The following PCDH19 variants were observed in gnomAD, a reference collection of about 807,000 sequenced individuals.
PCDH19 encodes the protein protocadherin-19.
In PCDH19, 6 loss-of-function variants were observed where a neutral mutation model predicts 46.2. The ratio of observed to expected loss-of-function variants is 0.13; its 90% CI spans 0.07 to 0.26. The LOEUF (loss-of-function observed/expected upper bound fraction) is 0.26. Among genes scored for constraint, PCDH19 ranks in the 10% least tolerant of loss-of-function variants. The probability of loss-of-function intolerance (pLI) is 1.00; values close to 1 mark genes in which losing one functional copy is unlikely to be tolerated. For missense variants in PCDH19, 740 were observed against 972.3 expected (o/e 0.76, Z 3.18); for synonymous variants, 481 against 415.7 (o/e 1.16, Z -1.91).
At position 100,408,790 on chromosome X, in the gene PCDH19, T is replaced by C; in HGVS notation, c.-193A>G. The C allele has an allele frequency of 5.9e-6, 1 of 170,596 alleles. No individual in the cohort carries two copies. The highest frequency in any genetic ancestry group is 1.4e-4 in the East Asian group (1 of 7,196). The allele number at this position is 170,596 out of a possible 1,213,427, so 14.1% of individuals were successfully genotyped here. On this transcript the variant is annotated 5_prime_UTR_variant, in exon 1 of 6. Transcript: ENST00000373034. The stretch of plus-strand genomic sequence containing the variant: ...CCCGCGGCGGCTCCAATGCTGAGGT[T>C]GCGGCGGACGCGGCGGGGGCTCGCG...
chrX:100,361,761 T>C (rs1211541209), intron 3 of PCDH19, among the ~76,000 whole-genome samples: 2 of 110,383 alleles, frequency 1.8e-5, no homozygotes, highest in Non-Finnish European at 3.8e-5. Context: ...AATTTGAGAG[T>C]CTTCCTGCCA....
At chrX:100,305,038 G>A (rs1446017397) in intron 5 of PCDH19, among the ~76,000 whole-genome samples, 2 of 112,023 alleles carry the variant, frequency 1.8e-5, no homozygotes, top group Non-Finnish European at 3.8e-5. Flanking sequence ...AGCCTTGCTA[G>A]AGATCTAGAC....
chrX:100,403,345 T>C (rs1928250587), intron 2 of PCDH19, among the ~76,000 whole-genome samples, 179 bp downstream of exon 2: 1 of 105,451 alleles, frequency 9.5e-6, no homozygotes, highest in African/African-American at 3.5e-5. Flanking sequence ...CAGCTTCCTC[T>C]ATGACTCACT....
At chrX:100,401,144 C>T (rs1349490919) in intron 3 of PCDH19, among the ~76,000 whole-genome samples, 2 of 111,786 alleles carry the variant, frequency 1.8e-5, no homozygotes, top group Non-Finnish European at 1.9e-5. Flanking sequence ...GTATTCTTTT[C>T]GCTGGTAGCT....
At chrX:100,321,876 G>A (rs757513486) in intron 5 of PCDH19, among the ~76,000 whole-genome samples, 4 of 90,131 alleles carry the variant, frequency 4.4e-5, no homozygotes, top group African/African-American at 8.5e-5. Flanking sequence ...TGCAAGCTCC[G>A]CCTCCCGGGT....
rs1215856620 is a variant in PCDH19, at chrX:100,410,153, G to C, written c.-1556C>G. ...AGGGACGCGGGTGCCAGTGCCTCCC[G>C]GGCAAGCCAGGCATGGTGCACGGGA... is the stretch of plus-strand genomic sequence containing the variant. On this transcript the variant is annotated 5_prime_UTR_variant, in exon 1 of 6. Coordinates refer to ENST00000373034, the MANE Select transcript of PCDH19 (RefSeq NM_001184880.2). 1 of 295,666 alleles carries C rather than the reference G, an allele frequency of 3.4e-6. No homozygotes were observed. The highest frequency in any genetic ancestry group is 4.8e-5 in the East Asian group (1 of 20,915). 24.4% of individuals were successfully genotyped at this position (295,666 alleles called of 1,213,427 possible).
At chrX:100,306,413 C>T (rs976505447) in intron 5 of PCDH19, among the ~76,000 whole-genome samples, 2 of 110,847 alleles carry the variant, frequency 1.8e-5, no homozygotes, top group African/African-American at 3.3e-5. Context: ...ACAGCAAAAG[C>T]GGTGCTAAGA....
chrX:100,373,994 G>A (rs1927300134), intron 3 of PCDH19, among the ~76,000 whole-genome samples: 1 of 112,253 alleles, frequency 8.9e-6, no homozygotes, highest in Non-Finnish European at 1.9e-5. Flanking sequence ...GTAGGAGAAG[G>A]TCCCATAAAA....
At chrX:100,337,350 C>G (rs996133632) in intron 5 of PCDH19, among the ~76,000 whole-genome samples, 4 of 112,012 alleles carry the variant, frequency 3.6e-5, no homozygotes, top group Non-Finnish European at 7.5e-5. Context: ...TGGTCTCAAG[C>G]CACTCAGAGC....
chrX:100,307,114 C>A (rs1291072593), intron 5 of PCDH19, among the ~76,000 whole-genome samples: 2 of 111,461 alleles, frequency 1.8e-5, no homozygotes, highest in African/African-American at 6.5e-5. Flanking sequence ...AGCTACAGAC[C>A]AATATCCCTG....
intron 3 of PCDH19, among the ~76,000 whole-genome samples, chrX:100,380,818 G>A (rs188239973): frequency 3.6e-5 from 4 of 112,248 alleles, no homozygotes; most frequent in Admixed American, 2.8e-4. Flanking sequence ...ACTTACCACT[G>A]CAAGTGCTTA....
At chrX:100,342,150 G>A (rs1461984205) in intron 4 of PCDH19, 75 bp from the exon 5 acceptor site, 1 of 955,123 alleles carries the variant, frequency 1.0e-6, no homozygotes, top group Non-Finnish European at 1.5e-6. Context: ...CCAGGATGAT[G>A]TCGGCTCTGT....
At chrX:100,319,599 G>A (rs754379478) in intron 5 of PCDH19, among the ~76,000 whole-genome samples, 1 of 111,868 alleles carries the variant, frequency 8.9e-6, no homozygotes, top group South Asian at 3.8e-4. Context: ...AGATAATGAG[G>A]CAAATGGACC....
intron 5 of PCDH19, among the ~76,000 whole-genome samples, chrX:100,335,307 G>C (rs1216090065): frequency 9.0e-6 from 1 of 111,561 alleles, no homozygotes; most frequent in Non-Finnish European, 1.9e-5. Context: ...AGGGGTACTA[G>C]GCATTGAGTG....
chrX:100,400,963 C>T (rs1928161783), intron 3 of PCDH19, among the ~76,000 whole-genome samples: 1 of 111,371 alleles, frequency 9.0e-6, no homozygotes, highest in African/African-American at 3.3e-5. Flanking sequence ...TCTCGTCCTC[C>T]CTCTCTTGAT....
At chrX:100,348,303 G>A (rs965085374) in intron 4 of PCDH19, among the ~76,000 whole-genome samples, 2 of 111,324 alleles carry the variant, frequency 1.8e-5, no homozygotes, top group Non-Finnish European at 3.8e-5. Flanking sequence ...AACAGGCTTC[G>A]CATGACTTTA....
intron 5 of PCDH19, among the ~76,000 whole-genome samples, chrX:100,333,861 C>A (rs755860022): frequency 2.8e-5 from 3 of 106,331 alleles, no homozygotes; most frequent in Admixed American, 1.0e-4. Context: ...ACAATCTCAG[C>A]TCACTGCAAC....
At chrX:100,313,896 C>T (rs1925211505) in intron 5 of PCDH19, among the ~76,000 whole-genome samples, 1 of 98,891 alleles carries the variant, frequency 1.0e-5, no homozygotes, top group African/African-American at 3.9e-5. Flanking sequence ...CACACACACA[C>T]ACACACACAC....
chrX:100,404,061 TC>T (rs1458673673), intron 1 of PCDH19, among the ~76,000 whole-genome samples: 1 of 111,901 alleles, frequency 8.9e-6, no homozygotes, highest in Admixed American at 9.5e-5. Context: ...TTGCAGATCA[TC>T]TCGCAAGTCT....
Sources: gnomAD v4.1 joint callset for allele counts (sites outside exome capture counted in the v4.1 genomes callset) on GRCh38, gnomAD v4.1.1 for gene constraint, MANE v1.5 for transcripts, NCBI Gene and HGNC (gene_info 2026-07-23, HGNC 2026-07-21) for gene names.